The following NXPE4 variants were observed in gnomAD, a reference collection of about 807,000 sequenced individuals.
NXPE4 encodes the protein NXPE family member 4.
NXPE4 carries 42 observed loss-of-function variants against 33.3 expected under a neutral mutation model. That is an observed-to-expected ratio of 1.26 (90% CI 0.98 to 1.63). NXPE4 has a LOEUF of 1.63. Among genes scored for constraint, NXPE4 ranks in the 40% most tolerant of loss-of-function variants. NXPE4 has a pLI of 0.00. For missense variants in NXPE4, 709 were observed against 647.6 expected, an observed-to-expected ratio of 1.09 and a Z score of -1.03; for synonymous variants, 253 against 234.9, an observed-to-expected ratio of 1.08 and a Z score of -0.71.
chr11:114,635,882 A>G, the NXPE4 span, among the ~76,000 whole-genome samples: 6 of 151,818 alleles, frequency 4.0e-5, no homozygotes, highest in Admixed American at 6.6e-5. Context: ...TTTTATCGAG[A>G]ATTTTTGCAT....
intron 2 of NXPE4, among the ~76,000 whole-genome samples, chr11:114,594,061 G>A (rs1949523240): frequency 6.6e-6 from 1 of 152,186 alleles, no homozygotes; most frequent in South Asian, 2.1e-4. Context: ...AGTGGGGTTA[G>A]TTAATGAGTA....
At chr11:114,629,758 A>G in the NXPE4 span, among the ~76,000 whole-genome samples, 1 of 151,370 alleles carries the variant, frequency 6.6e-6, no homozygotes, top group Non-Finnish European at 1.5e-5. Context: ...ACATGATTGT[A>G]TATCTAGAAA....
At chr11:114,630,076 C>T in the NXPE4 span, among the ~76,000 whole-genome samples, 13 of 151,508 alleles carry the variant, frequency 8.6e-5, no homozygotes, top group Admixed American at 6.6e-4. Flanking sequence ...GAATCAATAT[C>T]GTGAAAATGG....
At chr11:114,579,807 T>A (rs627866) in intron 5 of NXPE4, among the ~76,000 whole-genome samples, 95,954 of 152,054 alleles carry the variant, frequency 0.63, 31,681 homozygotes, top group African/African-American at 0.85. Flanking sequence ...CTTAATCATT[T>A]TGCTGGTTCT....
At chr11:114,653,258 A>G in the NXPE4 span, among the ~76,000 whole-genome samples, 4 of 152,358 alleles carry the variant, frequency 2.6e-5, no homozygotes, top group East Asian at 7.7e-4. Context: ...GTAAGCAAAC[A>G]TTATAAAAAT....
chr11:114,597,510 A>G (rs1949588063), upstream of NXPE4, among the ~76,000 whole-genome samples: 1 of 152,212 alleles, frequency 6.6e-6, no homozygotes. Context: ...TGATGGATAA[A>G]TATGCATTTT....
chr11:114,584,684 T>C (rs1195351271), intron 2 of NXPE4: 1 of 154,656 alleles, frequency 6.5e-6, no homozygotes, highest in Non-Finnish European at 1.4e-5. Context: ...AAGGAGCAGG[T>C]CAAGCTGGCC....
At chr11:114,624,304 A>T in the NXPE4 span, among the ~76,000 whole-genome samples, 14 of 152,080 alleles carry the variant, frequency 9.2e-5, no homozygotes, top group African/African-American at 3.4e-4. Flanking sequence ...CCCGGTGGAT[A>T]ATAAGTGTTG....
chr11:114,591,372 A>G (rs1419750390), intron 2 of NXPE4, among the ~76,000 whole-genome samples: 1 of 152,226 alleles, frequency 6.6e-6, no homozygotes, highest in Admixed American at 6.5e-5. Flanking sequence ...ACCACCAGGA[A>G]ATTAACAGGT....
chr11:114,664,658 G>C, the NXPE4 span, among the ~76,000 whole-genome samples: 1 of 152,154 alleles, frequency 6.6e-6, no homozygotes, highest in African/African-American at 2.4e-5. Flanking sequence ...CCCAACTTGT[G>C]AGGGTTTGAC....
chr11:114,639,347 C>A, the NXPE4 span, among the ~76,000 whole-genome samples: 111 of 152,052 alleles, frequency 7.3e-4, no homozygotes, highest in African/African-American at 2.6e-3. Flanking sequence ...TGGGAGTGAC[C>A]CGATTTTCCA....
the NXPE4 span, among the ~76,000 whole-genome samples, chr11:114,626,418 T>A: frequency 6.6e-6 from 1 of 152,188 alleles, no homozygotes; most frequent in Non-Finnish European, 1.5e-5. Context: ...AGGGGCAGAC[T>A]GACACCTCAC....
At chr11:114,633,114 T>G in the NXPE4 span, among the ~76,000 whole-genome samples, 1 of 122,650 alleles carries the variant, frequency 8.2e-6, no homozygotes, top group South Asian at 2.4e-4. Flanking sequence ...TTACATTATA[T>G]TTTATATAAT....
the NXPE4 span, among the ~76,000 whole-genome samples, chr11:114,613,815 C>T: frequency 6.6e-6 from 1 of 151,838 alleles, no homozygotes; most frequent in Non-Finnish European, 1.5e-5. Context: ...CGTCTTGCCT[C>T]ATAAGTAACC....
chr11:114,671,134 G>T, the NXPE4 span, among the ~76,000 whole-genome samples: 4 of 149,514 alleles, frequency 2.7e-5, no homozygotes, highest in African/African-American at 9.8e-5. Context: ...GAGTTGAAAA[G>T]TACAATAACT....
intron 5 of NXPE4, among the ~76,000 whole-genome samples, chr11:114,579,161 T>G (rs1023614697): frequency 2.0e-5 from 3 of 152,132 alleles, no homozygotes; most frequent in Non-Finnish European, 4.4e-5. Flanking sequence ...GGGGAGCCAG[T>G]GTGTCACATG....
chr11:114,609,806 G>T, the NXPE4 span, among the ~76,000 whole-genome samples: 1 of 151,560 alleles, frequency 6.6e-6, no homozygotes, highest in Non-Finnish European at 1.5e-5. Flanking sequence ...TGGATAATAA[G>T]CATTGCCTGG....
the NXPE4 span, among the ~76,000 whole-genome samples, chr11:114,601,307 T>C: frequency 1.3e-5 from 2 of 149,826 alleles, no homozygotes; most frequent in African/African-American, 4.9e-5. Flanking sequence ...TGGGTACTCA[T>C]AGCTTAAATC....
chr11:114,665,136 A>G, the NXPE4 span, among the ~76,000 whole-genome samples: 1 of 152,178 alleles, frequency 6.6e-6, no homozygotes, highest in East Asian at 1.9e-4. Context: ...TATATAAAGT[A>G]GCCTTGCCAC....
Sources: gnomAD v4.1 joint callset for allele counts (sites outside exome capture counted in the v4.1 genomes callset) on GRCh38, gnomAD v4.1.1 for gene constraint, MANE v1.5 for transcripts, NCBI Gene and HGNC (gene_info 2026-07-23, HGNC 2026-07-21) for gene names.